The following ADAMTS3 variants were observed in gnomAD, a reference collection of about 807,000 sequenced individuals.
The protein encoded by ADAMTS3 is ADAM metallopeptidase with thrombospondin type 1 motif 3, also known as A disintegrin and metalloproteinase with thrombospondin motifs 3.
Under a neutral mutation model 129.0 loss-of-function variants are expected in ADAMTS3, and 73 were observed. The observed-to-expected ratio is 0.57, with a 90% CI of 0.47 to 0.69. The LOEUF is 0.69. ADAMTS3 is among the 30% of genes least tolerant of loss of function. The pLI, the probability that ADAMTS3 is intolerant of heterozygous loss-of-function variation, is 0.00. For missense variants in ADAMTS3, 1,457 were observed against 1,514.5 expected (o/e 0.96, Z 0.63); for synonymous variants, 477 against 510.8 (o/e 0.93, Z 0.89).
chr4:72,325,214 A>G (rs775151350), intron 5 of ADAMTS3, among the ~76,000 whole-genome samples: 1 of 152,144 alleles, frequency 6.6e-6, no homozygotes, highest in Admixed American at 6.6e-5. Context: ...CACATTATTA[A>G]AGGGGTAAAT....
intron 3 of ADAMTS3, among the ~76,000 whole-genome samples, chr4:72,425,606 T>G (rs1047467517): frequency 6.6e-6 from 1 of 152,204 alleles, no homozygotes; most frequent in South Asian, 2.1e-4. Flanking sequence ...GTCTTTGCAA[T>G]AGTTTGCTGA....
At chr4:72,559,316 G>C (rs1224026913) in intron 2 of ADAMTS3, among the ~76,000 whole-genome samples, 1 of 151,868 alleles carries the variant, frequency 6.6e-6, no homozygotes. Context: ...AGAAGTAAAA[G>C]AGTTGTATCT....
chr4:72,311,163 A>T lies in ADAMTS3; in HGVS notation c.1940T>A (p.Leu647His), dbSNP rs1719224736. The T allele has an allele frequency of 6.2e-7, 1 of 1,611,064 alleles. No individual in the cohort carries two copies. The highest frequency in any genetic ancestry group is 8.5e-7 in the Non-Finnish European group (1 of 1,178,268). The change falls in exon 14 of 22, where the codon CTT becomes CAT. Residue 647 changes from leucine (L) to histidine (H), a missense_variant. Coordinates refer to ENST00000286657, the MANE Select transcript of ADAMTS3 (RefSeq NM_014243.3). The stretch of plus-strand genomic sequence containing the variant: ...TCCAGTCTCCTTGGACTGACAGTAA[A>T]GGTGGCATCTTTTCTTGGCTGCATA... Reference protein sequence around the residue: ...EHPDPKKRCHLYCQSKETGDV... With the variant: ...EHPDPKKRCHHYCQSKETGDV...
chr4:72,374,188 T>A (rs1296631364), intron 4 of ADAMTS3, among the ~76,000 whole-genome samples: 3 of 152,018 alleles, frequency 2.0e-5, no homozygotes, highest in East Asian at 3.9e-4. Flanking sequence ...ACTTTGTAAC[T>A]CATTCTATAG....
Position 72,489,521 on chromosome 4 carries a change from C to CCTGA in ADAMTS3, c.504+58953_504+58956dup, listed in dbSNP as rs1268362080. 2.0e-5 allele frequency among the ~76,000 whole-genome samples: 3 copies of CCTGA among 151,898 alleles called. No individual in the cohort carries two copies. In the East Asian group the frequency reaches 5.8e-4, roughly 29 times the overall value. On this transcript the variant is annotated intron_variant, in intron 3 of 21. Coordinates refer to ENST00000286657, the MANE Select transcript of ADAMTS3 (RefSeq NM_014243.3). ...TTGTTAATCATCAACATCGTCTGCT[C>CCTGA]CTGACAGCCAACCATATCATAGCCC...
intron 4 of ADAMTS3, among the ~76,000 whole-genome samples, chr4:72,361,014 G>A (rs1370928176): frequency 3.3e-5 from 5 of 151,990 alleles, no homozygotes; most frequent in East Asian, 1.9e-4. Context: ...GAACTCTTTC[G>A]GGGTTATCGG....
chr4:72,340,384 T>C (rs1578596562), intron 4 of ADAMTS3, among the ~76,000 whole-genome samples: 1 of 151,746 alleles, frequency 6.6e-6, no homozygotes, highest in East Asian at 1.9e-4. Flanking sequence ...ATACAGGTTA[T>C]ATATTATATA....
At chr4:72,556,377 A>T (rs879215358) in intron 2 of ADAMTS3, among the ~76,000 whole-genome samples, 3 of 151,786 alleles carry the variant, frequency 2.0e-5, no homozygotes. Context: ...CCCCTAGGGG[A>T]TACCAGATGT....
chr4:72,370,479 T>A (rs567142986), intron 4 of ADAMTS3, among the ~76,000 whole-genome samples: 4 of 152,332 alleles, frequency 2.6e-5, no homozygotes. Flanking sequence ...GGATAAAGCT[T>A]GTTTACCCTT....
At chr4:72,306,168 G>GCAGT in intron 15 of ADAMTS3, 101 bp from the exon 16 acceptor site, 3 of 741,186 alleles carry the variant, frequency 4.0e-6, no homozygotes, top group Non-Finnish European at 6.3e-6. Flanking sequence ...GCGTGCAGAA[G>GCAGT]AGGGCATCCA....
Position 72,318,636 on chromosome 4 carries a change from A to T in ADAMTS3, c.1421T>A (p.Ile474Asn). 1 of 1,613,838 alleles carries T rather than the reference A, an allele frequency of 6.2e-7. No individual in the cohort carries two copies. Among genetic ancestry groups the T allele is most frequent in the Non-Finnish European group, 8.5e-7 (1 of 1,179,876 alleles). The stretch of plus-strand genomic sequence containing the variant: ...ACATTGCTCATCCATAGAATAATTG[A>T]TTCCAGGAAGTTCTGGGAGTTTAGG... Reference protein sequence around the residue: ...DWPKLPELPGINYSMDEQCRF... With the variant: ...DWPKLPELPGNNYSMDEQCRF... Residue 474 changes from isoleucine (I) to asparagine (N), a missense_variant, in exon 10 of 22, where the codon ATC becomes AAC. Transcript: ENST00000286657.
chr4:72,363,025 C>T (rs1560487027), intron 4 of ADAMTS3, among the ~76,000 whole-genome samples: 1 of 152,024 alleles, frequency 6.6e-6, no homozygotes, highest in Non-Finnish European at 1.5e-5. Flanking sequence ...CCAGGAACTA[C>T]AGGATCCAAA....
chr4:72,375,996 A>C (rs186997257), intron 4 of ADAMTS3, among the ~76,000 whole-genome samples: 10 of 152,346 alleles, frequency 6.6e-5, no homozygotes, highest in Admixed American at 6.5e-4. Flanking sequence ...AGAAAAGGGC[A>C]AAATGCCATA....
intron 4 of ADAMTS3, among the ~76,000 whole-genome samples, chr4:72,410,879 A>C (rs1387463316): frequency 1.3e-5 from 2 of 152,152 alleles, no homozygotes; most frequent in Admixed American, 1.3e-4. Context: ...GAAGTAGACA[A>C]ATTTCTTTGT....
At chr4:72,521,155 C>T (rs1312082869) in intron 3 of ADAMTS3, among the ~76,000 whole-genome samples, 1 of 151,842 alleles carries the variant, frequency 6.6e-6, no homozygotes, top group Non-Finnish European at 1.5e-5. Flanking sequence ...CTGCCACCAC[C>T]CCCAGCTAAT....
intron 4 of ADAMTS3, among the ~76,000 whole-genome samples, chr4:72,409,563 G>GA (rs35191364): frequency 2.7e-5 from 4 of 150,700 alleles, no homozygotes; most frequent in South Asian, 2.1e-4. Flanking sequence ...TTCTTTATTG[G>GA]AAAAAAAAAT....
chr4:72,518,501 C>T (rs1474927577), intron 3 of ADAMTS3, among the ~76,000 whole-genome samples: 1 of 151,976 alleles, frequency 6.6e-6, no homozygotes, highest in East Asian at 1.9e-4. Flanking sequence ...TCAGGACTTG[C>T]TTTATGAATC....
chr4:72,481,329 C>A (rs1451019629), intron 3 of ADAMTS3, among the ~76,000 whole-genome samples: 4 of 152,138 alleles, frequency 2.6e-5, no homozygotes, highest in Non-Finnish European at 4.4e-5. Context: ...CAGATTGTGT[C>A]ATATTGGTGA....
At chr4:72,479,230 T>C (rs1719348404) in intron 3 of ADAMTS3, among the ~76,000 whole-genome samples, 1 of 152,034 alleles carries the variant, frequency 6.6e-6, no homozygotes, top group Admixed American at 6.6e-5. Flanking sequence ...GAGCCCGCAT[T>C]GCCAAGTCAA....
Sources: allele counts gnomAD v4.1 joint callset (sites outside exome capture counted in the v4.1 genomes callset), GRCh38; gene constraint gnomAD v4.1.1; transcripts MANE v1.5; gene names NCBI Gene and HGNC (gene_info 2026-07-23, HGNC 2026-07-21).